SDC1: variants seen among roughly 807,000 people sequenced by gnomAD.
The protein encoded by SDC1 is syndecan 1, also known as syndecan-1.
SDC1 carries 14 observed loss-of-function variants against 29.7 expected under a neutral mutation model. The ratio of observed to expected loss-of-function variants is 0.47; its 90% confidence interval spans 0.31 to 0.74. The LOEUF is 0.74. Among genes scored for constraint, SDC1 ranks in the 30% least tolerant of loss-of-function variants. The probability of loss-of-function intolerance (pLI) is 0.05; values close to 1 mark genes in which losing one functional copy is unlikely to be tolerated. For missense variants in SDC1, 406 were observed against 400.3 expected, an observed-to-expected ratio of 1.01 and a Z score of -0.12; for synonymous variants, 204 against 175.5, an observed-to-expected ratio of 1.16 and a Z score of -1.29.
chr2:20,202,839 G>T lies in SDC1; in HGVS notation c.860C>A (p.Ser287Tyr). Residue 287 changes from serine to tyrosine, a missense_variant, in exon 5 of 5, where the codon TCC becomes TAC. By Grantham distance (144) the Ser-to-Tyr change is moderately radical. Coordinates refer to ENST00000254351, the MANE Select transcript of SDC1 (RefSeq NM_002997.5). ...RMKKKDEGSYSLEEPKQANGG... is the reference protein window; with the variant it reads ...RMKKKDEGSYYLEEPKQANGG... ...GTTGGCTTGTTTCGGCTCCTCCAAG[G>T]AGTAGCTGCCTTCGTCCTTCTTCTT... 6.2e-7 allele frequency: 1 copy of T among 1,613,924 alleles called. No homozygotes were observed.
chr2:20,215,080 G>A (rs1179701499), intron 1 of SDC1, among the ~76,000 whole-genome samples: 1 of 152,206 alleles, frequency 6.6e-6, no homozygotes. Flanking sequence ...AAGCCCACAG[G>A]GCTCTCTCAC....
chr2:20,218,086 C>T (rs979807325), intron 1 of SDC1, among the ~76,000 whole-genome samples: 2 of 152,172 alleles, frequency 1.3e-5, no homozygotes, highest in Admixed American at 6.5e-5. Context: ...TCCTTCAGTG[C>T]CACCTCTGCC....
intron 1 of SDC1, among the ~76,000 whole-genome samples, chr2:20,212,643 C>A (rs1677503206): frequency 6.6e-6 from 1 of 152,218 alleles, no homozygotes; most frequent in Non-Finnish European, 1.5e-5. Context: ...TATCAGCTCA[C>A]TGGCTCTCTA....
chr2:20,211,964 G>T (rs560051642), intron 1 of SDC1, among the ~76,000 whole-genome samples: 18 of 152,370 alleles, frequency 1.2e-4, no homozygotes, highest in African/African-American at 4.3e-4. Context: ...CTGGGAAAGG[G>T]CTGGAATCCG....
intron 1 of SDC1, among the ~76,000 whole-genome samples, chr2:20,209,570 G>A (rs1246121590): frequency 6.6e-6 from 1 of 152,242 alleles, no homozygotes; most frequent in Non-Finnish European, 1.5e-5. Flanking sequence ...CGGGACCTGT[G>A]CCACCAGGGA....
chr2:20,209,918 C>T (rs1471446181), intron 1 of SDC1, among the ~76,000 whole-genome samples: 1 of 152,234 alleles, frequency 6.6e-6, no homozygotes, highest in African/African-American at 2.4e-5. Context: ...CGAGAGGTTG[C>T]CCATCTACCC....
chr2:20,208,035 G>C, intron 1 of SDC1: 1 of 985,414 alleles, frequency 1.0e-6, no homozygotes, highest in Non-Finnish European at 1.2e-6. Context: ...CAAGGCACTG[G>C]CACTTCGACC....
At chr2:20,221,525 T>A (rs753398873) in intron 1 of SDC1, among the ~76,000 whole-genome samples, 22 of 152,172 alleles carry the variant, frequency 1.4e-4, no homozygotes, top group Non-Finnish European at 2.6e-4. Context: ...ATGCCTAGCA[T>A]TTTTTGGTTG....
At chr2:20,209,235 C>A (rs1393594640) in intron 1 of SDC1, among the ~76,000 whole-genome samples, 1 of 152,308 alleles carries the variant, frequency 6.6e-6, no homozygotes, top group African/African-American at 2.4e-5. Flanking sequence ...TTCTTCCCTA[C>A]AACTCCCCTG....
chr2:20,203,699 T>A, intron 3 of SDC1, 114 bp downstream of exon 3: 3 of 822,004 alleles, frequency 3.6e-6, no homozygotes, highest in Non-Finnish European at 5.8e-6. Flanking sequence ...CCCTGTGCCC[T>A]GTCTTCCTGG....
chr2:20,204,188 C>T lies in SDC1; in HGVS notation c.252G>A (p.Glu84=), dbSNP rs2230924. 394,695 of 1,599,504 alleles carry T rather than the reference C, an allele frequency of 0.25. 50,140 individuals carry two copies. Among genetic ancestry groups the T allele is most frequent in the Non-Finnish European group, 0.26 (309,026 of 1,179,752 alleles). ...GGGTGGAGGTGGAGGCAGCTGTAGCCTCCAGGCCGGTGGGTTCTGGAGACG... is the reference window on the plus strand; with the variant it reads ...GGGTGGAGGTGGAGGCAGCTGTAGCTTCCAGGCCGGTGGGTTCTGGAGACG... The part of the protein sequence containing the change: ...IPTSPEPTGL[E]ATAASTSTLP... Residue 84 remains glutamate, a synonymous_variant, in exon 3 of 5, where the codon GAG becomes GAA. Transcript: ENST00000254351.
At chr2:20,210,111 G>T (rs994320281) in intron 1 of SDC1, among the ~76,000 whole-genome samples, 19 of 152,264 alleles carry the variant, frequency 1.2e-4, no homozygotes, top group African/African-American at 4.6e-4. Flanking sequence ...GGAGGCCGAG[G>T]TAGGCGGATC....
intron 1 of SDC1, among the ~76,000 whole-genome samples, chr2:20,222,708 C>T (rs982166283): frequency 6.6e-6 from 1 of 152,190 alleles, no homozygotes; most frequent in African/African-American, 2.4e-5. Context: ...TCTGCCCCAG[C>T]CCACAGAAAA....
intron 1 of SDC1, chr2:20,208,255 T>C (rs1330775872): frequency 3.9e-6 from 1 of 254,464 alleles, no homozygotes; most frequent in African/African-American, 2.3e-5. Context: ...AGAGCAGGGC[T>C]TTCCTCCTGA....
intron 1 of SDC1, chr2:20,223,479 A>T (rs1256876693): frequency 1.2e-5 from 4 of 338,720 alleles, no homozygotes; most frequent in Admixed American, 7.8e-5. Context: ...GTCCAGATGT[A>T]GTGGCGAGAC....
In SDC1 at chr2:20,202,168, G is replaced by T; in HGVS notation, c.*598C>A. 1.5e-6 allele frequency: 1 copy of T among 669,194 alleles called. No individual in the cohort carries two copies. The highest frequency in any genetic ancestry group is 1.7e-5 in the South Asian group (1 of 59,084). The allele number at this position is 669,194 out of a possible 1,614,324, so 41.5% of individuals were successfully genotyped here. ...ACCATAGATTAGGGAAGCAAGATGG[G>T]GGGATACCGAATCAACTTACTTAAC... On this transcript the variant is annotated 3_prime_UTR_variant, in exon 5 of 5. Transcript: ENST00000254351.
intron 1 of SDC1, among the ~76,000 whole-genome samples, chr2:20,213,521 G>A (rs1677538968): frequency 6.6e-6 from 1 of 152,224 alleles, no homozygotes; most frequent in Admixed American, 6.5e-5. Context: ...TAGGCAGGAT[G>A]CCAGAGATAT....
chr2:20,207,914 C>T, intron 1 of SDC1: 1 of 979,954 alleles, frequency 1.0e-6, no homozygotes, highest in Non-Finnish European at 1.2e-6. Context: ...TGGGCACCCC[C>T]ACCCATACTC....
rs557201293 is a variant in SDC1 at position 20,222,110 on chromosome 2, C to CACACACACAG, written c.66+2691_66+2692insCTGTGTGTGT. On this transcript the variant is annotated intron_variant, in intron 1 of 4. Coordinates refer to ENST00000254351, the MANE Select transcript of SDC1 (RefSeq NM_002997.5). ...GTAAACACACACACACACACACACA[C>CACACACACAG]AGAGAGAAAGAGAGAGAGAAACCTT... 2.1e-3 allele frequency among the ~76,000 whole-genome samples: 316 copies of CACACACACAG among 151,192 alleles called. 2 individuals carry two copies. The highest frequency in any genetic ancestry group is 7.1e-3 in the African/African-American group (292 of 41,016).
Sources: gnomAD v4.1 joint callset for allele counts (sites outside exome capture counted in the v4.1 genomes callset) on GRCh38, gnomAD v4.1.1 for gene constraint, MANE v1.5 for transcripts, NCBI Gene and HGNC (gene_info 2026-07-23, HGNC 2026-07-21) for gene names.